Variants in NALCN observed in about 807,000 individuals in gnomAD.
The protein encoded by NALCN is sodium leak channel NALCN.
Under a neutral mutation model 225.3 loss-of-function variants are expected in NALCN, and 111 were observed. The observed-to-expected ratio is 0.49, with a 90% CI of 0.42 to 0.58. The LOEUF is 0.58. Among genes scored for constraint, NALCN ranks in the 20% least tolerant of loss-of-function variants. NALCN has a pLI of 0.00. For synonymous variants in NALCN, 764 were observed against 769.0 expected, an observed-to-expected ratio of 0.99 and a Z score of 0.11; for missense variants, 1,378 against 2,202.4, an observed-to-expected ratio of 0.63 and a Z score of 7.49.
At chr13:101,191,824 C>A in intron 14 of NALCN, 93 bp downstream of exon 14, 1 of 1,340,050 alleles carries the variant, frequency 7.5e-7, no homozygotes, top group Non-Finnish European at 1.0e-6. Context: ...TCCTTTGGCT[C>A]CCATTTTGAA....
At chr13:101,056,009 A>G (rs1368638941) in intron 43 of NALCN, among the ~76,000 whole-genome samples, 1 of 152,168 alleles carries the variant, frequency 6.6e-6, no homozygotes, top group South Asian at 2.1e-4. Context: ...AGTTTCCTCC[A>G]TTGTAAGATG....
At chr13:101,207,323 G>C (rs1009870210) in intron 13 of NALCN, among the ~76,000 whole-genome samples, 1 of 152,148 alleles carries the variant, frequency 6.6e-6, no homozygotes, top group Non-Finnish European at 1.5e-5. Context: ...TTTTCTTACT[G>C]AAATGGTAAG....
At chr13:101,273,688 A>G (rs148745024) in intron 10 of NALCN, among the ~76,000 whole-genome samples, 2,708 of 152,170 alleles carry the variant, frequency 0.018, 72 homozygotes, top group African/African-American at 0.055. Flanking sequence ...GATCGAGACC[A>G]TCCTGGCTAA....
intron 28 of NALCN, 68 bp downstream of exon 28, chr13:101,095,506 A>T: frequency 1.6e-6 from 2 of 1,263,922 alleles, no homozygotes; most frequent in Non-Finnish European, 2.3e-6. Context: ...ATGCCATATG[A>T]TACTTATTTA....
intron 4 of NALCN, among the ~76,000 whole-genome samples, chr13:101,378,160 T>C (rs1225555630): frequency 6.6e-6 from 1 of 152,084 alleles, no homozygotes; most frequent in East Asian, 1.9e-4. Flanking sequence ...GCTAATAATT[T>C]TCTATAGTAT....
chr13:101,244,316 G>T (rs1283783158), intron 11 of NALCN, among the ~76,000 whole-genome samples: 4 of 151,990 alleles, frequency 2.6e-5, no homozygotes, highest in African/African-American at 9.7e-5. Context: ...TTATCAAAAG[G>T]ACAGATGGAA....
chr13:101,129,599 G>A (rs138114702), intron 17 of NALCN, among the ~76,000 whole-genome samples: 1 of 152,192 alleles, frequency 6.6e-6, no homozygotes, highest in East Asian at 1.9e-4. Flanking sequence ...TGGAAAAATG[G>A]TGTTTCAAGA....
At chr13:101,391,974 G>A (rs558404037) in intron 3 of NALCN, among the ~76,000 whole-genome samples, 1 of 148,744 alleles carries the variant, frequency 6.7e-6, no homozygotes, top group Non-Finnish European at 1.5e-5. Flanking sequence ...ACAAGAGTGA[G>A]ACTCCATCTC....
chr13:101,395,177 G>A lies in NALCN; in HGVS notation c.291+6C>T. 6.2e-7 allele frequency: 1 copy of A among 1,609,848 alleles called. No homozygotes were observed. The highest frequency in any genetic ancestry group is 8.5e-7 in the Non-Finnish European group (1 of 1,177,850). ...TTCTTAGTTTAAATGACATGGAAGTGCTCACCTTGACAATGCCCCGGATGT... is the reference window on the plus strand; with the variant it reads ...TTCTTAGTTTAAATGACATGGAAGTACTCACCTTGACAATGCCCCGGATGT... On this transcript the variant is annotated splice_donor_region_variant and intron_variant, in intron 3 of 43. Coordinates refer to ENST00000251127, the MANE Select transcript of NALCN (RefSeq NM_052867.4).
chr13:101,312,737 A>G (rs1471242540), intron 7 of NALCN, among the ~76,000 whole-genome samples: 1 of 152,010 alleles, frequency 6.6e-6, no homozygotes, highest in Middle Eastern at 3.2e-3. Flanking sequence ...AGTTTGTTAT[A>G]ATTTCTGTTC....
At chr13:101,397,071 T>TATATAC (rs2047318598) in intron 2 of NALCN, among the ~76,000 whole-genome samples, 1 of 41,268 alleles carries the variant, frequency 2.4e-5, no homozygotes, top group Non-Finnish European at 3.6e-5. Flanking sequence ...ATGTATTATA[T>TATATAC]ATATATATAT....
intron 1 of NALCN, among the ~76,000 whole-genome samples, chr13:101,406,151 C>CA (rs11400384): frequency 0.22 from 24,983 of 114,368 alleles, 2,843 homozygotes; most frequent in East Asian, 0.58. Flanking sequence ...CCCATCTCTA[C>CA]AAAAAAAAAA....
At chr13:101,406,869 A>T (rs1377740275) in intron 1 of NALCN, among the ~76,000 whole-genome samples, 1 of 152,202 alleles carries the variant, frequency 6.6e-6, no homozygotes, top group African/African-American at 2.4e-5. Context: ...ATCTCACCCC[A>T]TGTAGTGAAG....
chr13:101,274,649 T>C (rs2042914940), intron 10 of NALCN, among the ~76,000 whole-genome samples: 1 of 152,208 alleles, frequency 6.6e-6, no homozygotes, highest in South Asian at 2.1e-4. Context: ...GGAAATCGAC[T>C]TAATATTATG....
chr13:101,205,082 G>A (rs1329507962), intron 13 of NALCN, among the ~76,000 whole-genome samples: 4 of 152,108 alleles, frequency 2.6e-5, no homozygotes, highest in Non-Finnish European at 5.9e-5. Context: ...CTGTGCTCTT[G>A]GGTGTTACAG....
chr13:101,214,479 A>G (rs1419331072), intron 13 of NALCN, among the ~76,000 whole-genome samples: 2 of 151,072 alleles, frequency 1.3e-5, no homozygotes, highest in Non-Finnish European at 2.9e-5. Context: ...GAGTCCATGG[A>G]GTACTGTTTC....
intron 13 of NALCN, among the ~76,000 whole-genome samples, chr13:101,199,315 A>G (rs1344214595): frequency 6.6e-6 from 1 of 151,392 alleles, no homozygotes; most frequent in Non-Finnish European, 1.5e-5. Flanking sequence ...AAAAATAAAT[A>G]AATAAATCAT....
chr13:101,335,282 T>A (rs2045341054), intron 7 of NALCN, among the ~76,000 whole-genome samples: 1 of 152,192 alleles, frequency 6.6e-6, no homozygotes, highest in South Asian at 2.1e-4. Context: ...CTTCCTAACA[T>A]TCTGAAGAAT....
chr13:101,310,452 C>A (rs1367037531), intron 7 of NALCN, among the ~76,000 whole-genome samples: 1 of 152,110 alleles, frequency 6.6e-6, no homozygotes, highest in Admixed American at 6.6e-5. Flanking sequence ...ACACTCTTCC[C>A]CAGAGAGCCA....
Sources: allele counts gnomAD v4.1 joint callset (sites outside exome capture counted in the v4.1 genomes callset), GRCh38; gene constraint gnomAD v4.1.1; transcripts MANE v1.5; gene names NCBI Gene and HGNC (gene_info 2026-07-23, HGNC 2026-07-21).